Variants in SULT2A1 observed in about 807,000 individuals in gnomAD.
SULT2A1 encodes sulfotransferase 2A1.
SULT2A1 carries 43 observed loss-of-function variants against 33.9 expected under a neutral mutation model. The ratio of observed to expected loss-of-function variants is 1.27; its 90% CI spans 1.00 to 1.64. The LOEUF (loss-of-function observed/expected upper bound fraction) is 1.64. SULT2A1 is among the 40% of genes most tolerant of loss of function. The pLI is 0.00. For missense variants in SULT2A1, 300 were observed against 335.1 expected, an observed-to-expected ratio of 0.90 and a Z score of 0.82; for synonymous variants, 125 against 113.6, an observed-to-expected ratio of 1.10 and a Z score of -0.64.
chr19:47,882,760 C>T (rs1188825246), intron 2 of SULT2A1, among the ~76,000 whole-genome samples: 2 of 151,666 alleles, frequency 1.3e-5, no homozygotes, highest in Non-Finnish European at 2.9e-5. Flanking sequence ...ACTAAAAATA[C>T]AAAAATTAGC....
At chr19:47,874,462 T>A (rs1968522944) in intron 5 of SULT2A1, among the ~76,000 whole-genome samples, 195 bp downstream of exon 5, 1 of 147,110 alleles carries the variant, frequency 6.8e-6, no homozygotes, top group African/African-American at 2.5e-5. Flanking sequence ...ATCACTTGAA[T>A]CCTGGAGGCG....
At position 47,879,080 on chromosome 19, in the gene SULT2A1, C is replaced by A. The variant is rs771096303; in HGVS notation, c.523G>T (p.Glu175Ter). 3 of 1,613,908 alleles carry A rather than the reference C, an allele frequency of 1.9e-6. No homozygotes were observed. Among genetic ancestry groups the A allele is most frequent in the East Asian group, 4.5e-5 (2 of 44,884 alleles). The part of the protein sequence containing the change: ...DHIHGWMPMR[E>*]EKNFLLLSYE... ...CTCAGTAACAGGAAGTTTTTCTCCT[C>A]TCTCATGGGCATCCAGCCATGAATG... The change falls in exon 4 of 6, where the codon GAG becomes TAG. Residue 175 changes from glutamate (E) to a stop codon, truncating the protein, a stop_gained. Coordinates refer to ENST00000222002, the MANE Select transcript of SULT2A1 (RefSeq NM_003167.4). LOFTEE classifies it high-confidence loss of function.
chr19:47,878,010 G>A (rs1968564311), intron 4 of SULT2A1, among the ~76,000 whole-genome samples: 1 of 152,102 alleles, frequency 6.6e-6, no homozygotes, highest in South Asian at 2.1e-4. Flanking sequence ...TCAGACACTC[G>A]GAACCATCTC....
At position 47,871,134 on chromosome 19, in the gene SULT2A1, A is replaced by C; in HGVS notation, c.*321T>G. On this transcript the variant is annotated 3_prime_UTR_variant, in exon 6 of 6. Transcript: ENST00000222002. ...AGTGCTGGGATTACAGACATGAGCCAATGCGCCTGGCTAATTTTTTTTGGT... is the reference window on the plus strand; with the variant it reads ...AGTGCTGGGATTACAGACATGAGCCCATGCGCCTGGCTAATTTTTTTTGGT... The C allele has an allele frequency of 1.7e-5, 3 of 172,214 alleles. No homozygotes were observed. Among genetic ancestry groups the C allele is most frequent in the South Asian group, 2.5e-4 (2 of 7,864 alleles). The allele number at this position is 172,214 out of a possible 1,614,324, so 10.7% of individuals were successfully genotyped here.
In SULT2A1 at chr19:47,882,212, T is replaced by G; in HGVS notation, c.346-2A>C. ...GGGATTTCTCATGAGATAAATCACC[T>G]TAAATGGAAAAACGGGAGAATGAAA... On this transcript the variant is annotated splice_acceptor_variant, in intron 2 of 5. Coordinates refer to ENST00000222002, the MANE Select transcript of SULT2A1 (RefSeq NM_003167.4). LOFTEE classifies it high-confidence loss of function. The G allele has an allele frequency of 6.2e-7, 1 of 1,607,866 alleles. No individual in the cohort carries two copies. The highest frequency in any genetic ancestry group is 8.5e-7 in the Non-Finnish European group (1 of 1,177,240).
intron 4 of SULT2A1, among the ~76,000 whole-genome samples, chr19:47,876,161 G>A (rs1483172105): frequency 6.6e-6 from 1 of 152,080 alleles, no homozygotes; most frequent in African/African-American, 2.4e-5. Flanking sequence ...GGTTACAGGC[G>A]TGCGCCACCA....
intron 3 of SULT2A1, 142 bp from the exon 4 acceptor site, chr19:47,879,272 C>A (rs1968579258): frequency 7.9e-6 from 5 of 629,054 alleles, no homozygotes; most frequent in Admixed American, 7.7e-5. Flanking sequence ...AGGGGACCAA[C>A]AAATGGTATA....
chr19:47,872,505 C>T (rs894352497), intron 5 of SULT2A1, among the ~76,000 whole-genome samples: 6 of 152,046 alleles, frequency 3.9e-5, no homozygotes, highest in African/African-American at 1.4e-4. Flanking sequence ...GTCCCACGCT[C>T]CTTCTCCTTG....
intron 4 of SULT2A1, among the ~76,000 whole-genome samples, chr19:47,877,025 C>T (rs1458955045): frequency 9.0e-5 from 12 of 132,860 alleles, no homozygotes; most frequent in Non-Finnish European, 1.1e-4. Context: ...TGCAGTGAGC[C>T]GAGATCGTGC....
In SULT2A1 at chr19:47,882,078, A is replaced by T; in HGVS notation, c.472+6T>A. ...CAAGCACCCCCATATTTTGTGAAAC[A>T]CTCACCAGTTCCTTGACAAAACCAT... On this transcript the variant is annotated splice_donor_region_variant and intron_variant, in intron 3 of 5. Coordinates refer to ENST00000222002, the MANE Select transcript of SULT2A1 (RefSeq NM_003167.4). 1 of 1,613,302 alleles carries T rather than the reference A, an allele frequency of 6.2e-7. No individual in the cohort carries two copies. The highest frequency in any genetic ancestry group is 8.5e-7 in the Non-Finnish European group (1 of 1,179,770).
chr19:47,877,136 G>A (rs1426325112), intron 4 of SULT2A1, among the ~76,000 whole-genome samples: 2 of 151,494 alleles, frequency 1.3e-5, no homozygotes, highest in Non-Finnish European at 2.9e-5. Context: ...GATTGGAGAG[G>A]ATGAGCCAGA....
rs560485849 is a variant in SULT2A1, at chr19:47,883,889, T to G, written c.137-104A>C. ...TTTGGGAGGCTGAGGCAAGTGATCA[T>G]GAGGTCAGGGGTTCCAGAATAGCCT... On this transcript the variant is annotated intron_variant, in intron 1 of 5. Coordinates refer to ENST00000222002, the MANE Select transcript of SULT2A1 (RefSeq NM_003167.4). 3.8e-6 allele frequency: 4 copies of G among 1,048,454 alleles called. No individual in the cohort carries two copies. In the East Asian group the frequency reaches 1.0e-4, roughly 27 times the overall value. The allele number at this position is 1,048,454 out of a possible 1,614,324, so 64.9% of individuals were successfully genotyped here. A position where few individuals can be genotyped will look rare whatever the true frequency, so the allele number is the denominator to read the frequency against.
rs7247968 is a variant in SULT2A1, at chr19:47,873,321, C to T, written c.745+1336G>A. ...AGTAGCTGGGATTACAGGCGCCCACCACCACACTTGGCTAATTTTTTGTAT... is the reference window on the plus strand; with the variant it reads ...AGTAGCTGGGATTACAGGCGCCCACTACCACACTTGGCTAATTTTTTGTAT... On this transcript the variant is annotated intron_variant, in intron 5 of 5. Transcript: ENST00000222002. Among the ~76,000 whole-genome samples the T allele has an allele frequency of 2.0e-3, 305 of 152,122 alleles. 2 individuals carry two copies. The highest frequency in any genetic ancestry group is 7.2e-3 in the African/African-American group (298 of 41,514).
At chr19:47,876,539 A>T (rs1968545642) in intron 4 of SULT2A1, among the ~76,000 whole-genome samples, 1 of 152,122 alleles carries the variant, frequency 6.6e-6, no homozygotes, top group African/African-American at 2.4e-5. Context: ...CAAACTTGTT[A>T]CAAAGGGCTT....
intron 4 of SULT2A1, 73 bp downstream of exon 4, chr19:47,878,963 G>A: frequency 1.0e-6 from 1 of 955,762 alleles, no homozygotes; most frequent in Non-Finnish European, 1.7e-6. Context: ...GACACAGCGG[G>A]ATGGAGGGAA....
At chr19:47,878,585 C>T (rs1277835631) in intron 4 of SULT2A1, among the ~76,000 whole-genome samples, 2 of 144,322 alleles carry the variant, frequency 1.4e-5, no homozygotes, top group Admixed American at 7.2e-5. Flanking sequence ...CTTGGCATAT[C>T]GGCTCACTGC....
chr19:47,880,040 T>C (rs934502311), intron 3 of SULT2A1, among the ~76,000 whole-genome samples: 2 of 151,456 alleles, frequency 1.3e-5, no homozygotes, highest in African/African-American at 2.4e-5. Flanking sequence ...ATCGAGACCA[T>C]CCTGGCTAAC....
At chr19:47,884,102 C>T (rs1224430192) in intron 1 of SULT2A1, among the ~76,000 whole-genome samples, 38 of 146,336 alleles carry the variant, frequency 2.6e-4, no homozygotes, top group African/African-American at 9.4e-4. Flanking sequence ...GAGACTCAGT[C>T]TCAAAAAAAA....
At chr19:47,883,272 G>C (rs771555781) in intron 2 of SULT2A1, among the ~76,000 whole-genome samples, 7 of 151,952 alleles carry the variant, frequency 4.6e-5, no homozygotes, top group Non-Finnish European at 7.4e-5. Flanking sequence ...CGGTTATCTA[G>C]TATATAATAT....
Sources: allele counts gnomAD v4.1 joint callset (sites outside exome capture counted in the v4.1 genomes callset), GRCh38; gene constraint gnomAD v4.1.1; transcripts MANE v1.5; gene names NCBI Gene and HGNC (gene_info 2026-07-23, HGNC 2026-07-21).